Variants in LOXL1 observed in about 807,000 individuals in gnomAD.
LOXL1 encodes lysyl oxidase like 1.
LOXL1 carries 31 observed loss-of-function variants against 62.2 expected under a neutral mutation model. The observed-to-expected ratio is 0.50, with a 90% CI of 0.37 to 0.67. LOXL1 has a LOEUF of 0.67. Among genes scored for constraint, LOXL1 ranks in the 30% least tolerant of loss-of-function variants. The pLI is 0.00. For synonymous variants in LOXL1, 403 were observed against 384.4 expected, an observed-to-expected ratio of 1.05 and a Z score of -0.56; for missense variants, 775 against 843.4, an observed-to-expected ratio of 0.92 and a Z score of 1.00.
In LOXL1 at chr15:73,946,392, CT is replaced by C. The variant is rs750695318; in HGVS notation, c.1212-24del. The C allele has an allele frequency of 1.0e-3, 1,597 of 1,527,504 alleles. 16 individuals are homozygous for C. The highest frequency in any genetic ancestry group is 1.3e-3 in the South Asian group (116 of 86,180). The allele number at this position is 1,527,504 out of a possible 1,614,324, so 94.6% of individuals were successfully genotyped here. On this transcript the variant is annotated intron_variant, in intron 2 of 6. Transcript: ENST00000261921. ...TGGTGTCACTGTGCCCCAACCCCCC[CT>C]CATCTCCCCCGCCGTCCCTGCAGCA...
At chr15:73,929,059 G>A (rs58782960) in intron 1 of LOXL1, among the ~76,000 whole-genome samples, 1,805 of 152,288 alleles carry the variant, frequency 0.012, 32 homozygotes, top group African/African-American at 0.041. Context: ...CATGCTGTTA[G>A]CAGACAGGGC....
intron 1 of LOXL1, among the ~76,000 whole-genome samples, chr15:73,933,843 AAG>A (rs2068652126): frequency 2.0e-5 from 3 of 152,242 alleles, no homozygotes; most frequent in Admixed American, 2.0e-4. Flanking sequence ...GGATGCTGGA[AAG>A]AGAGGTTTAG....
At chr15:73,931,328 G>C (rs1268308308) in intron 1 of LOXL1, among the ~76,000 whole-genome samples, 2 of 151,928 alleles carry the variant, frequency 1.3e-5, no homozygotes, top group Non-Finnish European at 2.9e-5. Flanking sequence ...CTCCTCCCTG[G>C]TCCCTTGCTC....
chr15:73,932,134 C>T (rs2068639530), intron 1 of LOXL1, among the ~76,000 whole-genome samples: 1 of 152,206 alleles, frequency 6.6e-6, no homozygotes, highest in South Asian at 2.1e-4. Flanking sequence ...CAGGGTGGGG[C>T]AGGGCATGAG....
intron 2 of LOXL1, 52 bp downstream of exon 2, chr15:73,943,014 C>T: frequency 7.1e-6 from 10 of 1,414,496 alleles, no homozygotes; most frequent in Non-Finnish European, 1.0e-5. Flanking sequence ...CCGGGAGTCA[C>T]CCAGAACCCA....
chr15:73,939,579 G>C (rs2068699393), intron 1 of LOXL1, among the ~76,000 whole-genome samples: 1 of 152,240 alleles, frequency 6.6e-6, no homozygotes, highest in South Asian at 2.1e-4. Context: ...ATTAGAAGCA[G>C]AGCAGTGGCT....
At chr15:73,943,023 C>T in intron 2 of LOXL1, 61 bp downstream of exon 2, 1 of 1,367,482 alleles carries the variant, frequency 7.3e-7, no homozygotes, top group Non-Finnish European at 1.0e-6. Context: ...ACCCAGAACC[C>T]AGCCTAGCTG....
chr15:73,939,973 A>G (rs114472267), intron 1 of LOXL1, among the ~76,000 whole-genome samples: 110 of 152,280 alleles, frequency 7.2e-4, no homozygotes, highest in African/African-American at 2.5e-3. Flanking sequence ...TAGAACAGTC[A>G]TTAAAGAGGC....
intron 1 of LOXL1, among the ~76,000 whole-genome samples, chr15:73,941,382 T>C (rs1389660206): frequency 6.6e-6 from 1 of 151,896 alleles, no homozygotes; most frequent in Non-Finnish European, 1.5e-5. Context: ...GTCTGGGAAC[T>C]CAGGGTGGTG....
chr15:73,938,237 G>A (rs1461510599), intron 1 of LOXL1, among the ~76,000 whole-genome samples: 12 of 151,632 alleles, frequency 7.9e-5, no homozygotes, highest in Non-Finnish European at 1.6e-4. Context: ...CTAAGATGGC[G>A]CCATTGCAGT....
intron 1 of LOXL1, among the ~76,000 whole-genome samples, chr15:73,937,912 A>G (rs1239777768): frequency 1.3e-5 from 2 of 152,196 alleles, no homozygotes; most frequent in African/African-American, 4.8e-5. Context: ...GCGTACCTTC[A>G]TCAGGCCCAG....
chr15:73,934,069 A>G (rs1180600107), intron 1 of LOXL1, among the ~76,000 whole-genome samples: 1 of 152,254 alleles, frequency 6.6e-6, no homozygotes, highest in Non-Finnish European at 1.5e-5. Context: ...GAGACACAGG[A>G]TGGGAAAGCG....
In LOXL1 at chr15:73,945,137, C is replaced by T. The variant is rs1345574373; in HGVS notation, c.1212-1280C>T. Among the ~76,000 whole-genome samples, 1 of 152,326 alleles carries T rather than the reference C, an allele frequency of 6.6e-6. No homozygotes were observed. Among genetic ancestry groups the T allele is most frequent in the African/African-American group, 2.4e-5 (1 of 41,574 alleles). On this transcript the variant is annotated intron_variant, in intron 2 of 6. Transcript: ENST00000261921. This position sits in a 1 kb window ranked among gnomAD's most constrained non-coding sequence, Gnocchi z 4.3. ...CTCCCCTCACTGCAGCCCCTCGTTC[C>T]TCTTTCCACCCTTTTCCTTTTGTCA... is the stretch of plus-strand genomic sequence containing the variant.
intron 1 of LOXL1, among the ~76,000 whole-genome samples, chr15:73,938,755 C>A (rs1347840036): frequency 1.3e-5 from 2 of 152,110 alleles, no homozygotes; most frequent in African/African-American, 2.4e-5. Flanking sequence ...GTGGTTCACG[C>A]CTGCAATCCC....
At chr15:73,939,941 A>G (rs558320454) in intron 1 of LOXL1, among the ~76,000 whole-genome samples, 2 of 152,082 alleles carry the variant, frequency 1.3e-5, no homozygotes, top group East Asian at 1.9e-4. Flanking sequence ...GGGGCAGGAC[A>G]TGGAAAACAC....
chr15:73,938,367 C>T (rs893971018), intron 1 of LOXL1, among the ~76,000 whole-genome samples: 2 of 151,664 alleles, frequency 1.3e-5, no homozygotes, highest in African/African-American at 2.4e-5. Flanking sequence ...AGAGGATGCA[C>T]ATCGTGGAAT....
Position 73,927,648 on chromosome 15 carries a change from G to A in LOXL1, c.865G>A (p.Ala289Thr). ...CGAGGGCACCCCCGGCTTCGAGCAG[G>A]CCTACCCTGACCCCGGTCCCGAGGC... The part of the protein sequence containing the change: ...YSEGTPGFEQ[A>T]YPDPGPEAAQ... Residue 289 changes from alanine to threonine, a missense_variant, in exon 1 of 7, where the codon GCC becomes ACC. Physicochemically the swap from Ala to Thr is moderately conservative, Grantham distance 58. Coordinates refer to ENST00000261921, the MANE Select transcript of LOXL1 (RefSeq NM_005576.4). 1.3e-6 allele frequency: 2 copies of A among 1,490,180 alleles called. No homozygotes were observed. Among genetic ancestry groups the A allele is most frequent in the African/African-American group, 1.5e-5 (1 of 68,694 alleles). 92.3% of individuals were successfully genotyped at this position (1,490,180 alleles called of 1,614,324 possible).
At chr15:73,950,801 C>A (rs530051465) in intron 6 of LOXL1, among the ~76,000 whole-genome samples, 1 of 152,338 alleles carries the variant, frequency 6.6e-6, no homozygotes, top group South Asian at 2.1e-4. Flanking sequence ...CACTTGGTTG[C>A]TACCATCAAC....
In LOXL1 at chr15:73,927,442, C is replaced by T. The variant is rs745840832; in HGVS notation, c.659C>T (p.Ala220Val). The stretch of plus-strand genomic sequence containing the variant: ...GTGGGCGCGGGGGCGGCGGCCGTGG[C>T]CTCGGCGGGGGTCATCTACCCCTAC... ...GGVGAGAAAV[A>V]SAGVIYPYQP... Residue 220 changes from alanine to valine, a missense_variant, in exon 1 of 7, where the codon GCC becomes GTC. Ala to Val is a moderately conservative substitution (Grantham distance 64, BLOSUM62 0). Coordinates refer to ENST00000261921, the MANE Select transcript of LOXL1 (RefSeq NM_005576.4). The T allele has an allele frequency of 3.4e-6, 5 of 1,455,944 alleles. No homozygotes were observed. Among genetic ancestry groups the T allele is most frequent in the African/African-American group, 1.5e-5 (1 of 68,168 alleles). The allele number at this position is 1,455,944 out of a possible 1,614,324, so 90.2% of individuals were successfully genotyped here. A position where few individuals can be genotyped will look rare whatever the true frequency, so the allele number is the denominator to read the frequency against.
Sources: gnomAD v4.1 joint callset for allele counts (sites outside exome capture counted in the v4.1 genomes callset) on GRCh38, gnomAD v4.1.1 for gene constraint, Gnocchi (gnomAD v3.1) non-coding constraint, MANE v1.5 for transcripts, NCBI Gene and HGNC (gene_info 2026-07-23, HGNC 2026-07-21) for gene names.